MAGI1: variants seen among roughly 807,000 people sequenced by gnomAD.
The protein encoded by MAGI1 is membrane associated guanylate kinase, WW and PDZ domain containing 1.
In MAGI1, 58 loss-of-function variants were observed where a neutral mutation model predicts 139.9. The ratio of observed to expected loss-of-function variants is 0.41; its 90% CI spans 0.34 to 0.52. MAGI1 has a LOEUF of 0.52. MAGI1 is among the 20% of genes least tolerant of loss of function. The probability of loss-of-function intolerance (pLI) is 0.12; values close to 1 mark genes in which losing one functional copy is unlikely to be tolerated. For missense variants in MAGI1, 1,874 were observed against 1,901.6 expected (o/e 0.99, Z 0.27); for synonymous variants, 812 against 737.9 (o/e 1.10, Z -1.63).
chr3:65,880,012 G>A (rs1466691369), intron 1 of MAGI1, among the ~76,000 whole-genome samples: 1 of 152,188 alleles, frequency 6.6e-6, no homozygotes, highest in East Asian at 1.9e-4. Flanking sequence ...TGTAATCCCA[G>A]CACTTTGGGA....
At chr3:65,360,010 TG>T (rs1940642939) in intron 22 of MAGI1, 2 of 985,296 alleles carry the variant, frequency 2.0e-6, no homozygotes, top group Admixed American at 1.2e-4. Flanking sequence ...ATACTTCCCC[TG>T]TGGTTGGCCA....
intron 2 of MAGI1, among the ~76,000 whole-genome samples, chr3:65,528,843 T>C (rs2078506550): frequency 1.3e-5 from 2 of 152,156 alleles, no homozygotes; most frequent in African/African-American, 4.8e-5. Context: ...CCCAGAAGTT[T>C]GAGACCAGCC....
intron 7 of MAGI1, 54 bp downstream of exon 7, chr3:65,447,968 T>C (rs1948776634): frequency 1.3e-6 from 2 of 1,598,534 alleles, no homozygotes; most frequent in South Asian, 1.1e-5. Context: ...AAGAAAACCA[T>C]GCAGGCCATG....
chr3:65,950,067 C>CAAAAAAAAAAAAAAAAAAAAAA (rs61696952), intron 1 of MAGI1, among the ~76,000 whole-genome samples: 11 of 76,736 alleles, frequency 1.4e-4, no homozygotes, highest in South Asian at 5.6e-4. Flanking sequence ...AACAAAAAAA[C>CAAAAAAAAAAAAAAAAAAAAAA]AAAAAAAAAA....
At chr3:65,583,890 T>C (rs1037569947) in intron 2 of MAGI1, among the ~76,000 whole-genome samples, 11 of 152,148 alleles carry the variant, frequency 7.2e-5, no homozygotes, top group Middle Eastern at 3.2e-3. Flanking sequence ...AAGATGAGAC[T>C]GTGACCTCTA....
intron 3 of MAGI1, among the ~76,000 whole-genome samples, chr3:65,491,618 C>G (rs577318599): frequency 1.3e-5 from 2 of 152,206 alleles, no homozygotes; most frequent in Middle Eastern, 6.8e-3. Flanking sequence ...CACACATGCT[C>G]TCCTCTTCAC....
chr3:65,555,344 T>G (rs2080035959), intron 2 of MAGI1, among the ~76,000 whole-genome samples: 1 of 152,194 alleles, frequency 6.6e-6, no homozygotes, highest in Non-Finnish European at 1.5e-5. Flanking sequence ...CCATGCTTTA[T>G]AAGTCTTATC....
At chr3:65,758,748 G>C (rs902457907) in intron 1 of MAGI1, among the ~76,000 whole-genome samples, 1 of 152,038 alleles carries the variant, frequency 6.6e-6, no homozygotes, top group African/African-American at 2.4e-5. Flanking sequence ...ATATGGCAAG[G>C]TTGAGAAACT....
At chr3:65,944,310 C>A (rs1455783472) in intron 1 of MAGI1, among the ~76,000 whole-genome samples, 1 of 151,968 alleles carries the variant, frequency 6.6e-6, no homozygotes, top group African/African-American at 2.4e-5. Context: ...CCCAGGAGTT[C>A]AAGACCAGCC....
intron 1 of MAGI1, among the ~76,000 whole-genome samples, chr3:65,867,303 G>A (rs1010096435): frequency 2.0e-5 from 3 of 152,176 alleles, no homozygotes; most frequent in African/African-American, 4.8e-5. Context: ...ATATGCTATC[G>A]TCATTTGTCC....
chr3:65,868,453 A>T (rs949166537), intron 1 of MAGI1, among the ~76,000 whole-genome samples: 4 of 152,216 alleles, frequency 2.6e-5, no homozygotes, highest in African/African-American at 9.6e-5. Flanking sequence ...GACTCTGAAC[A>T]GAGGGCCTGT....
intron 2 of MAGI1, among the ~76,000 whole-genome samples, chr3:65,576,353 T>C (rs1281020355): frequency 6.6e-6 from 1 of 152,140 alleles, no homozygotes; most frequent in African/African-American, 2.4e-5. Flanking sequence ...TGTGACACAT[T>C]AGCATGAAAT....
At chr3:65,528,048 T>C (rs992137946) in intron 2 of MAGI1, among the ~76,000 whole-genome samples, 6 of 152,096 alleles carry the variant, frequency 3.9e-5, no homozygotes, top group African/African-American at 1.4e-4. Flanking sequence ...TTCAGTTGGG[T>C]GAAAGACTAC....
intron 1 of MAGI1, among the ~76,000 whole-genome samples, chr3:65,682,915 A>G (rs928626728): frequency 6.6e-6 from 1 of 152,060 alleles, no homozygotes; most frequent in Non-Finnish European, 1.5e-5. Flanking sequence ...TTTCCAACGG[A>G]TGGGGACGGG....
chr3:65,557,832 A>G (rs990881588), intron 2 of MAGI1, among the ~76,000 whole-genome samples: 5 of 152,182 alleles, frequency 3.3e-5, no homozygotes, highest in Non-Finnish European at 5.9e-5. Flanking sequence ...AATTGCTCTG[A>G]TAAATTTGCT....
chr3:65,583,998 A>C (rs189022252), intron 2 of MAGI1, among the ~76,000 whole-genome samples: 1 of 151,966 alleles, frequency 6.6e-6, no homozygotes, highest in Admixed American at 6.6e-5. Context: ...CATAGCAATA[A>C]AATAATAATT....
chr3:65,555,857 C>T (rs918384816), intron 2 of MAGI1, among the ~76,000 whole-genome samples: 3 of 152,090 alleles, frequency 2.0e-5, no homozygotes, highest in Non-Finnish European at 2.9e-5. Flanking sequence ...TGTCTCAAAA[C>T]AAAACAAACA....
At chr3:65,505,183 T>C (rs2077232802) in intron 2 of MAGI1, among the ~76,000 whole-genome samples, 1 of 152,162 alleles carries the variant, frequency 6.6e-6, no homozygotes, top group Non-Finnish European at 1.5e-5. Flanking sequence ...CTTTCTCTGA[T>C]TAATTATAGC....
At chr3:65,710,930 G>A (rs1014872637) in intron 1 of MAGI1, among the ~76,000 whole-genome samples, 2 of 151,922 alleles carry the variant, frequency 1.3e-5, no homozygotes, top group African/African-American at 2.4e-5. Context: ...TCTGCTTACC[G>A]TCCTTGTTCT....
Sources: gnomAD v4.1 joint callset for allele counts (sites outside exome capture counted in the v4.1 genomes callset) on GRCh38, gnomAD v4.1.1 for gene constraint, MANE v1.5 for transcripts, NCBI Gene and HGNC (gene_info 2026-07-23, HGNC 2026-07-21) for gene names.